The following ETV6 variants were observed in gnomAD, a reference collection of about 807,000 sequenced individuals.
ETV6 encodes ETS variant transcription factor 6.
In ETV6, 16 loss-of-function variants were observed where a neutral mutation model predicts 51.1. That is an observed-to-expected ratio of 0.31 (90% CI 0.21 to 0.48). The LOEUF (loss-of-function observed/expected upper bound fraction) is 0.48. ETV6 is among the 20% of genes least tolerant of loss of function. ETV6 has a pLI of 0.99. For missense variants in ETV6, 458 were observed against 594.8 expected (o/e 0.77, Z 2.39); for synonymous variants, 240 against 224.1 (o/e 1.07, Z -0.64).
chr12:11,688,556 A>G (rs1220640006), intron 1 of ETV6, among the ~76,000 whole-genome samples: 1 of 152,252 alleles, frequency 6.6e-6, no homozygotes, highest in Non-Finnish European at 1.5e-5. Context: ...GCTTCCCAGC[A>G]GTTCATACGA....
rs185686014 is a variant in ETV6, at chr12:11,732,130, T to C, written c.34-20320T>C. Among the ~76,000 whole-genome samples, 5 of 152,308 alleles carry C rather than the reference T, an allele frequency of 3.3e-5. No homozygotes were observed. In the East Asian group the frequency reaches 9.6e-4, roughly 29 times the overall value. ...AGACAGCAGTGTGTGCATGGCTCAG[T>C]GCAAATCTTTAGCATCACCTGGTAG... On this transcript the variant is annotated intron_variant, in intron 1 of 7. Coordinates refer to ENST00000396373, the MANE Select transcript of ETV6 (RefSeq NM_001987.5).
At chr12:11,766,461 GT>G (rs3837434) in intron 2 of ETV6, among the ~76,000 whole-genome samples, 17,169 of 152,112 alleles carry the variant, frequency 0.11, 1,502 homozygotes, top group African/African-American at 0.25. Flanking sequence ...ATCCTGACAG[GT>G]TTCTGTATGC....
At chr12:11,837,175 C>G (rs1335204114) in intron 2 of ETV6, among the ~76,000 whole-genome samples, 1 of 152,140 alleles carries the variant, frequency 6.6e-6, no homozygotes, top group Non-Finnish European at 1.5e-5. Context: ...ATAGGCATCA[C>G]TTTCTGGCCA....
intron 1 of ETV6, among the ~76,000 whole-genome samples, chr12:11,726,441 C>G (rs1442845073): frequency 6.6e-6 from 1 of 152,080 alleles, no homozygotes; most frequent in African/African-American, 2.4e-5. Flanking sequence ...GGCATGATTC[C>G]TTCATAATCT....
chr12:11,851,674 A>G (rs539670187), intron 3 of ETV6, among the ~76,000 whole-genome samples: 2 of 152,330 alleles, frequency 1.3e-5, no homozygotes, highest in South Asian at 4.1e-4. Context: ...TGGTGTCTGC[A>G]GCTCTTTGAG....
intron 5 of ETV6, among the ~76,000 whole-genome samples, chr12:11,883,478 A>G (rs1489573707): frequency 1.3e-5 from 2 of 151,432 alleles, no homozygotes; most frequent in African/African-American, 4.9e-5. Context: ...TATTTTTAGT[A>G]GAGACGGGGT....
At chr12:11,788,755 G>GT (rs1565526404) in intron 2 of ETV6, among the ~76,000 whole-genome samples, 61 of 96,750 alleles carry the variant, frequency 6.3e-4, no homozygotes, top group African/African-American at 1.9e-3. Context: ...TGCTTGTATT[G>GT]GTTTTTTTTT....
intron 1 of ETV6, among the ~76,000 whole-genome samples, chr12:11,744,299 T>C (rs764353761): frequency 2.6e-5 from 4 of 152,122 alleles, no homozygotes; most frequent in Non-Finnish European, 4.4e-5. Context: ...GGGAATAGCA[T>C]TAATGGAGGA....
chr12:11,865,250 C>CA (rs11395687), intron 4 of ETV6, among the ~76,000 whole-genome samples: 28,852 of 82,466 alleles, frequency 0.35, 3,681 homozygotes, highest in East Asian at 0.43. Context: ...GACTCCGTCT[C>CA]AAAAAAAAAA....
At chr12:11,757,406 C>T (rs1945023410) in intron 2 of ETV6, among the ~76,000 whole-genome samples, 1 of 132,274 alleles carries the variant, frequency 7.6e-6, no homozygotes, top group South Asian at 2.7e-4. Context: ...ATTTTATATG[C>T]TTTCACATTA....
At chr12:11,824,527 C>T (rs1946126017) in intron 2 of ETV6, among the ~76,000 whole-genome samples, 1 of 152,152 alleles carries the variant, frequency 6.6e-6, no homozygotes, top group Non-Finnish European at 1.5e-5. Flanking sequence ...GCCTATAATC[C>T]CAGTACTTTG....
intron 1 of ETV6, among the ~76,000 whole-genome samples, chr12:11,656,078 C>T (rs906291028): frequency 2.9e-4 from 44 of 152,156 alleles, no homozygotes; most frequent in African/African-American, 1.1e-3. Flanking sequence ...TCATCATCAC[C>T]GGCATCATTT....
chr12:11,683,921 ATTTC>A (rs765278902), intron 1 of ETV6, among the ~76,000 whole-genome samples: 16 of 152,144 alleles, frequency 1.1e-4, no homozygotes, highest in Non-Finnish European at 2.1e-4. Context: ...TCCAAGAGGA[ATTTC>A]TTTAAGTACA....
At chr12:11,661,023 T>C (rs1864091982) in intron 1 of ETV6, among the ~76,000 whole-genome samples, 1 of 152,240 alleles carries the variant, frequency 6.6e-6, no homozygotes, top group Non-Finnish European at 1.5e-5. Flanking sequence ...AAGGTCTTGC[T>C]GTGTCACCCA....
At chr12:11,767,128 A>G (rs2136346664) in intron 2 of ETV6, among the ~76,000 whole-genome samples, 1 of 152,376 alleles carries the variant, frequency 6.6e-6, no homozygotes, top group South Asian at 2.1e-4. Flanking sequence ...TAAAAAAGGC[A>G]CAGGCTTTGA....
intron 1 of ETV6, among the ~76,000 whole-genome samples, chr12:11,686,057 TAAA>T (rs1196101002): frequency 6.6e-6 from 1 of 152,246 alleles, no homozygotes; most frequent in Non-Finnish European, 1.5e-5. Context: ...TAAGACAGCT[TAAA>T]ATATCTTTGA....
chr12:11,734,347 C>T (rs1277053511), intron 1 of ETV6, among the ~76,000 whole-genome samples: 3 of 151,980 alleles, frequency 2.0e-5, no homozygotes, highest in African/African-American at 4.8e-5. Context: ...TGGTTCATGC[C>T]TGTAATCCCC....
intron 1 of ETV6, among the ~76,000 whole-genome samples, chr12:11,668,886 C>T (rs910677975): frequency 3.3e-5 from 5 of 152,162 alleles, no homozygotes; most frequent in Non-Finnish European, 5.9e-5. Context: ...TCCTTTGGCA[C>T]ATCCCTGTGC....
At chr12:11,826,881 C>T (rs542887201) in intron 2 of ETV6, among the ~76,000 whole-genome samples, 2 of 152,152 alleles carry the variant, frequency 1.3e-5, no homozygotes, top group South Asian at 4.2e-4. Flanking sequence ...TTCCTGACTC[C>T]AAGTGACCAT....
Sources: allele counts gnomAD v4.1 joint callset (sites outside exome capture counted in the v4.1 genomes callset), GRCh38; gene constraint gnomAD v4.1.1; transcripts MANE v1.5; gene names NCBI Gene and HGNC (gene_info 2026-07-23, HGNC 2026-07-21).